The following ROBO2 variants were observed in gnomAD, a reference collection of about 807,000 sequenced individuals.
ROBO2 encodes roundabout homolog 2.
ROBO2 carries 53 observed loss-of-function variants against 160.8 expected under a neutral mutation model. The observed-to-expected ratio is 0.33, with a 90% CI of 0.26 to 0.41. The LOEUF (loss-of-function observed/expected upper bound fraction) is 0.41, where lower values mean the gene tolerates loss of function less well. Ranked by LOEUF, ROBO2 falls within the 10% of genes least tolerant of loss-of-function variation. The pLI is 1.00. For synonymous variants in ROBO2, 664 were observed against 611.7 expected (o/e 1.09, Z -1.26); for missense variants, 1,577 against 1,722.4 (o/e 0.92, Z 1.49).
At chr3:76,233,801 C>G (rs1704770010) in intron 2 of ROBO2, among the ~76,000 whole-genome samples, 1 of 152,126 alleles carries the variant, frequency 6.6e-6, no homozygotes, top group South Asian at 2.1e-4. Flanking sequence ...TTTTAGTTTA[C>G]TTTTTTGTTA....
chr3:76,472,100 T>TGTGTGCGC (rs1491261065), intron 2 of ROBO2, among the ~76,000 whole-genome samples: 2 of 111,124 alleles, frequency 1.8e-5, no homozygotes, highest in African/African-American at 3.6e-5. Flanking sequence ...TGTGTGTGTG[T>TGTGTGCGC]GCGCGTGTGC....
chr3:77,522,565 G>A lies in ROBO2; in HGVS notation c.807-210G>A, dbSNP rs2090713748. The stretch of plus-strand genomic sequence containing the variant: ...AATTCTATACATATGTGAAGTATAG[G>A]TAACTGACAAACAGCTAAAGATCAG... On this transcript the variant is annotated intron_variant, in intron 5 of 25. Coordinates refer to ENST00000461745, the Ensembl canonical transcript of ROBO2. 2.0e-5 allele frequency among the ~76,000 whole-genome samples: 3 copies of A among 151,164 alleles called. No homozygotes were observed. The South Asian group carries it at 6.2e-4, about 31-fold the overall frequency.
chr3:76,475,929 G>A (rs1010296445), intron 2 of ROBO2, among the ~76,000 whole-genome samples: 9 of 152,128 alleles, frequency 5.9e-5, no homozygotes, highest in Non-Finnish European at 1.0e-4. Flanking sequence ...GAGGTGGGTA[G>A]ATCACTTGAG....
At chr3:76,595,970 T>C (rs1167109719) in intron 2 of ROBO2, among the ~76,000 whole-genome samples, 1 of 152,100 alleles carries the variant, frequency 6.6e-6, no homozygotes, top group Non-Finnish European at 1.5e-5. Context: ...CTGTAATTAT[T>C]AACATTCTGG....
intron 5 of ROBO2, among the ~76,000 whole-genome samples, chr3:77,511,853 C>T (rs1337612320): frequency 6.6e-6 from 1 of 151,924 alleles, no homozygotes; most frequent in African/African-American, 2.4e-5. Flanking sequence ...GCAAGTGTAA[C>T]CTCCCAGGAT....
At chr3:77,194,198 T>G (rs1300174139) in intron 2 of ROBO2, among the ~76,000 whole-genome samples, 1 of 152,224 alleles carries the variant, frequency 6.6e-6, no homozygotes, top group Non-Finnish European at 1.5e-5. Context: ...CAGTGGCAGC[T>G]TAATCCAATC....
At chr3:77,292,671 TG>T (rs1406581342) in intron 2 of ROBO2, among the ~76,000 whole-genome samples, 2 of 150,262 alleles carry the variant, frequency 1.3e-5, no homozygotes, top group Non-Finnish European at 3.0e-5. Context: ...AAAGTAAAAT[TG>T]ACGGTTAAAC....
chr3:76,029,701 C>T (rs188778145), intron 2 of ROBO2, among the ~76,000 whole-genome samples: 6 of 152,048 alleles, frequency 3.9e-5, no homozygotes, highest in African/African-American at 7.2e-5. Flanking sequence ...TGAACTAATC[C>T]TTTTTACGGC....
intron 2 of ROBO2, among the ~76,000 whole-genome samples, chr3:76,408,243 G>T (rs2075312953): frequency 6.6e-6 from 1 of 152,080 alleles, no homozygotes; most frequent in South Asian, 2.1e-4. Flanking sequence ...GTGGATAATA[G>T]TTGGAAGGGA....
chr3:76,808,574 A>G (rs568562920), intron 2 of ROBO2, among the ~76,000 whole-genome samples: 57 of 152,266 alleles, frequency 3.7e-4, no homozygotes, highest in African/African-American at 1.3e-3. Context: ...CTGACTTTGT[A>G]GTAGAAAGAG....
chr3:76,394,933 C>A (rs1464963291), intron 2 of ROBO2, among the ~76,000 whole-genome samples: 2 of 152,118 alleles, frequency 1.3e-5, no homozygotes, highest in African/African-American at 4.8e-5. Flanking sequence ...AGAAAGTCAA[C>A]AAGGATATCC....
intron 2 of ROBO2, among the ~76,000 whole-genome samples, chr3:77,339,909 C>G (rs977988345): frequency 2.6e-5 from 4 of 152,032 alleles, no homozygotes; most frequent in Non-Finnish European, 4.4e-5. Context: ...CAGATAGCTA[C>G]TTTTTATTGT....
chr3:76,462,178 G>A (rs1222705898), intron 2 of ROBO2, among the ~76,000 whole-genome samples: 1 of 152,160 alleles, frequency 6.6e-6, no homozygotes, highest in Admixed American at 6.5e-5. Context: ...GGAGAAATAA[G>A]TAGATAAGTA....
At chr3:76,065,773 A>G (rs887375746) in intron 2 of ROBO2, among the ~76,000 whole-genome samples, 11 of 148,998 alleles carry the variant, frequency 7.4e-5, no homozygotes, top group African/African-American at 2.7e-4. Context: ...ACACACACAT[A>G]TATGCTGCCA....
At chr3:76,268,065 C>T (rs1257769751) in intron 2 of ROBO2, among the ~76,000 whole-genome samples, 2 of 152,152 alleles carry the variant, frequency 1.3e-5, no homozygotes, top group East Asian at 1.9e-4. Context: ...CTGTAAGTGA[C>T]CACCCTGGGC....
chr3:76,300,548 G>C (rs1559733274), intron 2 of ROBO2, among the ~76,000 whole-genome samples: 1 of 151,794 alleles, frequency 6.6e-6, no homozygotes, highest in Non-Finnish European at 1.5e-5. Context: ...TGACTAATGG[G>C]AAGCTATTTT....
chr3:77,252,831 A>AAAAAATATATATATATATATATAT, intron 2 of ROBO2, among the ~76,000 whole-genome samples: 3 of 12,518 alleles, frequency 2.4e-4, no homozygotes, highest in Non-Finnish European at 4.3e-4. Context: ...AAAAAAAAAA[A>AAAAAATATATATATATATATATAT]ATATATATAT....
intron 2 of ROBO2, among the ~76,000 whole-genome samples, chr3:76,726,206 A>G (rs932163735): frequency 3.3e-5 from 5 of 152,112 alleles, no homozygotes; most frequent in Admixed American, 6.6e-5. Context: ...CTGATCTTGT[A>G]AACAGTGTAC....
At chr3:77,106,821 C>A (rs2072870192) in intron 2 of ROBO2, among the ~76,000 whole-genome samples, 1 of 152,140 alleles carries the variant, frequency 6.6e-6, no homozygotes, top group Non-Finnish European at 1.5e-5. Context: ...ACATTTTTGT[C>A]AATTAGATAT....
Sources: allele counts gnomAD v4.1 joint callset (sites outside exome capture counted in the v4.1 genomes callset), GRCh38; gene constraint gnomAD v4.1.1; transcripts MANE v1.5; gene names NCBI Gene and HGNC (gene_info 2026-07-23, HGNC 2026-07-21).